Variants in HIPK2 observed in about 807,000 individuals in gnomAD.
HIPK2 encodes the protein homeodomain interacting protein kinase 2.
HIPK2 carries 27 observed loss-of-function variants against 113.7 expected under a neutral mutation model. The observed-to-expected ratio is 0.24, with a 90% CI of 0.17 to 0.33. The LOEUF (loss-of-function observed/expected upper bound fraction) is 0.33. Among genes scored for constraint, HIPK2 ranks in the 10% least tolerant of loss-of-function variants. The probability of loss-of-function intolerance (pLI) is 1.00; values close to 1 mark genes in which losing one functional copy is unlikely to be tolerated. For synonymous variants in HIPK2, 631 were observed against 642.2 expected, an observed-to-expected ratio of 0.98 and a Z score of 0.26; for missense variants, 1,257 against 1,588.0, an observed-to-expected ratio of 0.79 and a Z score of 3.54.
chr7:139,620,364 C>T, intron 7 of HIPK2, 37 bp downstream of exon 7: 1 of 1,611,286 alleles, frequency 6.2e-7, no homozygotes, highest in Non-Finnish European at 8.5e-7. Flanking sequence ...TCACACTGTG[C>T]AGCCCCGCCT....
intron 1 of HIPK2, among the ~76,000 whole-genome samples, chr7:139,733,746 A>C (rs2117042957): frequency 6.6e-6 from 1 of 152,344 alleles, no homozygotes; most frequent in Middle Eastern, 3.4e-3. Context: ...AGGTAAGCTA[A>C]GCCATGTAAC....
At chr7:139,739,847 T>C (rs1796047233) in intron 1 of HIPK2, among the ~76,000 whole-genome samples, 1 of 152,220 alleles carries the variant, frequency 6.6e-6, no homozygotes, top group Non-Finnish European at 1.5e-5. Flanking sequence ...TTGCTTAACA[T>C]AAAATTTTCA....
At chr7:139,662,751 C>T (rs1049764153) in intron 2 of HIPK2, among the ~76,000 whole-genome samples, 22 of 151,762 alleles carry the variant, frequency 1.4e-4, no homozygotes, top group Non-Finnish European at 5.9e-5. Flanking sequence ...TTCAAAGTAG[C>T]TGGGATTACA....
chr7:139,749,367 C>T (rs958413104), intron 1 of HIPK2, among the ~76,000 whole-genome samples: 2 of 152,226 alleles, frequency 1.3e-5, no homozygotes, highest in African/African-American at 2.4e-5. Flanking sequence ...CCTATGAATT[C>T]AGGCAGCATG....
In HIPK2 at chr7:139,613,157, C is replaced by G. The variant is rs530336369; in HGVS notation, c.2112+45G>C. The G allele has an allele frequency of 2.1e-5, 33 of 1,608,082 alleles. No individual in the cohort carries two copies. The South Asian group carries it at 3.5e-4, about 17-fold the overall frequency. On this transcript the variant is annotated intron_variant, in intron 9 of 14. Coordinates refer to ENST00000406875, the MANE Select transcript of HIPK2 (RefSeq NM_022740.5). The surrounding 1 kb of genome is among the most constrained non-coding windows in gnomAD (Gnocchi z 4.2). The stretch of plus-strand genomic sequence containing the variant: ...ATATATCTTTTGTGAACAACATTAA[C>G]ACAGGTAATGGTAATACCAGTAATA...
At chr7:139,617,928 A>C (rs1189973172) in intron 7 of HIPK2, among the ~76,000 whole-genome samples, 1 of 152,252 alleles carries the variant, frequency 6.6e-6, no homozygotes, top group African/African-American at 2.4e-5. Flanking sequence ...GAACAGAAGA[A>C]GTCTTGTTGG....
At chr7:139,643,337 A>G (rs1321356797) in intron 2 of HIPK2, among the ~76,000 whole-genome samples, 1 of 151,826 alleles carries the variant, frequency 6.6e-6, no homozygotes, top group African/African-American at 2.4e-5. Flanking sequence ...GGTTTTTTCT[A>G]TTCATATTGG....
At chr7:139,753,014 G>A (rs1796305545) in intron 1 of HIPK2, among the ~76,000 whole-genome samples, 1 of 152,198 alleles carries the variant, frequency 6.6e-6, no homozygotes, top group African/African-American at 2.4e-5. Flanking sequence ...GGTGGTCTAG[G>A]TAGGCTTGGG....
At chr7:139,713,005 T>A (rs1795116368) in intron 2 of HIPK2, among the ~76,000 whole-genome samples, 1 of 152,188 alleles carries the variant, frequency 6.6e-6, no homozygotes, top group African/African-American at 2.4e-5. Context: ...CATGAGGGCC[T>A]GAAGGTGACC....
chr7:139,628,860 G>T (rs1569458422), intron 5 of HIPK2, 93 bp downstream of exon 5: 1 of 1,088,192 alleles, frequency 9.2e-7, no homozygotes. Flanking sequence ...GAATAATGTG[G>T]ATTTCAACCC....
At chr7:139,724,088 A>G (rs1206073178) in intron 1 of HIPK2, among the ~76,000 whole-genome samples, 1 of 151,796 alleles carries the variant, frequency 6.6e-6, no homozygotes, top group Non-Finnish European at 1.5e-5. Context: ...TCTAATATAG[A>G]TTATGCACAT....
chr7:139,727,555 T>C (rs1280764462), intron 1 of HIPK2, among the ~76,000 whole-genome samples: 2 of 152,242 alleles, frequency 1.3e-5, no homozygotes, highest in Admixed American at 1.3e-4. Context: ...TCCACACATC[T>C]ATCTACTTAT....
chr7:139,610,600 T>C (rs534866220), intron 9 of HIPK2, among the ~76,000 whole-genome samples: 44 of 152,320 alleles, frequency 2.9e-4, no homozygotes, highest in Non-Finnish European at 5.1e-4. Flanking sequence ...TACCAGTCAC[T>C]GGTGTTAGTG....
rs1795217463 is a variant in HIPK2 at position 139,715,854 on chromosome 7, A to C, written c.1103+78T>G. ...TGTAGACATATAATTTTATCTCCCC[A>C]CAGTGACTAAGGTGGCACATTCTCT... On this transcript the variant is annotated intron_variant, in intron 2 of 14. Transcript: ENST00000406875. 3 of 1,534,834 alleles carry C rather than the reference A, an allele frequency of 2.0e-6. No individual in the cohort carries two copies. In the Admixed American group the frequency reaches 6.1e-5, roughly 31 times the overall value.
At chr7:139,754,108 T>C (rs998677338) in intron 1 of HIPK2, among the ~76,000 whole-genome samples, 5 of 152,172 alleles carry the variant, frequency 3.3e-5, no homozygotes, top group East Asian at 3.9e-4. Context: ...TAGGGGACAG[T>C]CCTGCTTCTT....
chr7:139,672,849 C>T (rs1802352957), intron 2 of HIPK2, among the ~76,000 whole-genome samples: 1 of 152,226 alleles, frequency 6.6e-6, no homozygotes, highest in Non-Finnish European at 1.5e-5. Context: ...TTGTCTTCTA[C>T]ATGACTACCT....
intron 1 of HIPK2, among the ~76,000 whole-genome samples, chr7:139,753,875 C>CATTT (rs1446186405): frequency 1.3e-5 from 2 of 152,348 alleles, no homozygotes; most frequent in Non-Finnish European, 2.9e-5. Context: ...GTGGAGAAGG[C>CATTT]ATTTAAAGCA....
At chr7:139,646,049 T>C (rs1458048582) in intron 2 of HIPK2, among the ~76,000 whole-genome samples, 1 of 152,188 alleles carries the variant, frequency 6.6e-6, no homozygotes, top group Non-Finnish European at 1.5e-5. Context: ...AAGTTTGCCT[T>C]CTTGTGTTTG....
At chr7:139,674,938 G>A (rs1384918518) in intron 2 of HIPK2, among the ~76,000 whole-genome samples, 3 of 152,160 alleles carry the variant, frequency 2.0e-5, no homozygotes, top group South Asian at 4.1e-4. Context: ...AGCCATCTCC[G>A]GACCTGTCCT....
Sources: gnomAD v4.1 joint callset for allele counts (sites outside exome capture counted in the v4.1 genomes callset) on GRCh38, gnomAD v4.1.1 for gene constraint, Gnocchi (gnomAD v3.1) non-coding constraint, MANE v1.5 for transcripts, NCBI Gene and HGNC (gene_info 2026-07-23, HGNC 2026-07-21) for gene names.